The following CDKL3 variants were observed in gnomAD, a reference collection of about 807,000 sequenced individuals.
The protein encoded by CDKL3 is cyclin-dependent kinase-like 3.
In CDKL3, 65 loss-of-function variants were observed where a neutral mutation model predicts 69.3. That is an observed-to-expected ratio of 0.94 (90% CI 0.77 to 1.15). CDKL3 has a LOEUF of 1.15. Among genes scored for constraint, CDKL3 ranks in the 50% most tolerant of loss-of-function variants. The pLI, the probability that CDKL3 is intolerant of heterozygous loss-of-function variation, is 0.00. For missense variants in CDKL3, 652 were observed against 689.2 expected, an observed-to-expected ratio of 0.95 and a Z score of 0.61; for synonymous variants, 202 against 221.6, an observed-to-expected ratio of 0.91 and a Z score of 0.79.
intron 3 of CDKL3, among the ~76,000 whole-genome samples, chr5:134,357,962 C>A (rs1755028569): frequency 6.6e-6 from 1 of 152,164 alleles, no homozygotes; most frequent in Admixed American, 6.5e-5. Context: ...GCCTGTAGTC[C>A]TAGCAACTTG....
intron 2 of CDKL3, among the ~76,000 whole-genome samples, chr5:134,364,445 G>C (rs1364665450): frequency 6.6e-6 from 1 of 151,966 alleles, no homozygotes; most frequent in Non-Finnish European, 1.5e-5. Flanking sequence ...TCTATCAATT[G>C]TATCAATCAC....
intron 4 of CDKL3, among the ~76,000 whole-genome samples, chr5:134,329,760 C>T (rs539531087): frequency 6.6e-5 from 10 of 152,144 alleles, no homozygotes; most frequent in South Asian, 4.1e-4. Context: ...TGAGCCACCA[C>T]GCTGTTAATT....
At chr5:134,357,966 C>T (rs1197145447) in intron 3 of CDKL3, among the ~76,000 whole-genome samples, 1 of 152,020 alleles carries the variant, frequency 6.6e-6, no homozygotes, top group African/African-American at 2.4e-5. Flanking sequence ...GTAGTCCTAG[C>T]AACTTGGGAG....
Position 134,308,602 on chromosome 5 carries a change from G to A in CDKL3, c.1007C>T (p.Thr336Ile), listed in dbSNP as rs750809449. 1.9e-6 allele frequency: 3 copies of A among 1,602,236 alleles called. No individual in the cohort carries two copies. The highest frequency in any genetic ancestry group is 4.5e-5 in the East Asian group (2 of 44,760). Residue 336 changes from threonine (T) to isoleucine (I), a missense_variant, in exon 8 of 13, where the codon ACA (threonine) becomes ATA (isoleucine). Coordinates refer to ENST00000265334, the MANE Select transcript of CDKL3 (RefSeq NM_001113575.2). ...KDERKTVYTN[T>I]LLSSSVLGKE... is the part of the protein sequence containing the mutation. ...TCCCAAAACTGAACTACTTAGCAGT[G>A]TATTGGTATAAACTGTTTTTCTTTC...
intron 10 of CDKL3, among the ~76,000 whole-genome samples, chr5:134,305,947 A>G (rs1392147219): frequency 6.6e-6 from 1 of 152,214 alleles, no homozygotes; most frequent in Non-Finnish European, 1.5e-5. Flanking sequence ...TTTATTTGGC[A>G]ATTGTTTTTA....
chr5:134,294,108 C>T (rs563624473), downstream of CDKL3, among the ~76,000 whole-genome samples: 19 of 151,484 alleles, frequency 1.3e-4, no homozygotes, highest in South Asian at 8.3e-4. Context: ...GACTCTGTCT[C>T]GAAAAAATAA....
chr5:134,367,424 C>G (rs1757728755), upstream of CDKL3: 2 of 963,620 alleles, frequency 2.1e-6, no homozygotes, highest in South Asian at 4.9e-5. Context: ...CCAGGCTGGA[C>G]TGCAGTGTCG....
chr5:134,326,177 T>C (rs1478453394), intron 4 of CDKL3, among the ~76,000 whole-genome samples: 1 of 152,114 alleles, frequency 6.6e-6, no homozygotes, highest in Non-Finnish European at 1.5e-5. Flanking sequence ...AGCAGTTCAC[T>C]TTTCCCCAGC....
At chr5:134,293,512 A>G (rs111467656), downstream of CDKL3, among the ~76,000 whole-genome samples, 781 of 152,330 alleles carry the variant, frequency 5.1e-3, 3 homozygotes, top group Non-Finnish European at 7.2e-3. Context: ...ATTAATATAG[A>G]TGCCAAAATC....
At chr5:134,311,042 G>A (rs1040440812) in intron 7 of CDKL3, among the ~76,000 whole-genome samples, 1 of 152,134 alleles carries the variant, frequency 6.6e-6, no homozygotes, top group Non-Finnish European at 1.5e-5. Context: ...TTCTTTCAAA[G>A]CCCAAATAGA....
chr5:134,299,619 T>C, intron 12 of CDKL3: 1 of 1,452,188 alleles, frequency 6.9e-7, no homozygotes. Context: ...TTTTTGTGTA[T>C]GTAACATTAA....
intron 4 of CDKL3, among the ~76,000 whole-genome samples, chr5:134,345,665 C>T (rs1751680289): frequency 6.6e-6 from 1 of 151,982 alleles, no homozygotes; most frequent in African/African-American, 2.4e-5. Flanking sequence ...GGGCAGGGGA[C>T]ACAAGATGCT....
chr5:134,336,770 G>A (rs1283800387), intron 4 of CDKL3, among the ~76,000 whole-genome samples: 3 of 152,198 alleles, frequency 2.0e-5, no homozygotes, highest in Non-Finnish European at 4.4e-5. Context: ...CGCCCAGTCA[G>A]GCTACATGGG....
At chr5:134,360,955 C>A (rs1028867382) in intron 2 of CDKL3, among the ~76,000 whole-genome samples, 3 of 152,160 alleles carry the variant, frequency 2.0e-5, no homozygotes, top group Admixed American at 6.6e-5. Flanking sequence ...CAATTTATAA[C>A]CACAGAAACT....
At chr5:134,345,107 G>A (rs1321638696) in intron 4 of CDKL3, among the ~76,000 whole-genome samples, 1 of 151,964 alleles carries the variant, frequency 6.6e-6, no homozygotes, top group Non-Finnish European at 1.5e-5. Flanking sequence ...ATAGAGAAGA[G>A]AGTAGTGATT....
At chr5:134,364,794 T>G (rs1043859704) in intron 2 of CDKL3, among the ~76,000 whole-genome samples, 2 of 150,782 alleles carry the variant, frequency 1.3e-5, no homozygotes, top group African/African-American at 4.9e-5. Flanking sequence ...ATTACAGGCG[T>G]GAGCCACAGC....
chr5:134,310,844 C>T (rs1464397690), intron 7 of CDKL3, among the ~76,000 whole-genome samples: 1 of 152,136 alleles, frequency 6.6e-6, no homozygotes, highest in African/African-American at 2.4e-5. Flanking sequence ...TCCTGAAATG[C>T]GCAAAGTTCT....
chr5:134,337,391 C>T (rs1344634342), intron 4 of CDKL3, among the ~76,000 whole-genome samples: 1 of 152,204 alleles, frequency 6.6e-6, no homozygotes, highest in Non-Finnish European at 1.5e-5. Flanking sequence ...TGAGATGAAC[C>T]AGGTACCTTA....
chr5:134,371,470 G>C, upstream of CDKL3: 1 of 1,211,024 alleles, frequency 8.3e-7, no homozygotes, highest in Non-Finnish European at 1.2e-6. Context: ...TTGTTTGTCA[G>C]TCTCGGCGGC....
Sources: gnomAD v4.1 joint callset for allele counts (sites outside exome capture counted in the v4.1 genomes callset) on GRCh38, gnomAD v4.1.1 for gene constraint, MANE v1.5 for transcripts, NCBI Gene and HGNC (gene_info 2026-07-23, HGNC 2026-07-21) for gene names.